Variants in ANTXR1 observed in about 807,000 individuals in gnomAD.
ANTXR1 encodes the protein ANTXR cell adhesion molecule 1.
ANTXR1 carries 19 observed loss-of-function variants against 78.1 expected under a neutral mutation model. The ratio of observed to expected loss-of-function variants is 0.24; its 90% confidence interval spans 0.17 to 0.36. ANTXR1 has a LOEUF of 0.36. ANTXR1 is among the 10% of genes least tolerant of loss of function. The probability of loss-of-function intolerance (pLI) is 1.00; values close to 1 mark genes in which losing one functional copy is unlikely to be tolerated. For synonymous variants in ANTXR1, 273 were observed against 260.5 expected, an observed-to-expected ratio of 1.05 and a Z score of -0.46; for missense variants, 518 against 718.6, an observed-to-expected ratio of 0.72 and a Z score of 3.19.
chr2:69,224,206 C>T (rs1409511593), intron 17 of ANTXR1, among the ~76,000 whole-genome samples: 1 of 152,178 alleles, frequency 6.6e-6, no homozygotes, highest in Admixed American at 6.5e-5. Context: ...TGGGAATTTT[C>T]CTTTTGATAC....
chr2:69,110,292 G>A (rs1231634611), intron 10 of ANTXR1, among the ~76,000 whole-genome samples: 2 of 152,142 alleles, frequency 1.3e-5, no homozygotes, highest in African/African-American at 4.8e-5. Context: ...TCAAAAGAAG[G>A]TGACTGGGAA....
chr2:69,092,778 T>G (rs1191117697), intron 9 of ANTXR1, among the ~76,000 whole-genome samples: 1 of 152,246 alleles, frequency 6.6e-6, no homozygotes, highest in African/African-American at 2.4e-5. Context: ...TTAGGCTTCA[T>G]GAATTTACCT....
intron 8 of ANTXR1, among the ~76,000 whole-genome samples, chr2:69,085,758 G>A (rs1290925464): frequency 2.6e-5 from 4 of 152,162 alleles, no homozygotes; most frequent in African/African-American, 9.7e-5. Flanking sequence ...CTAAAGGATG[G>A]CAGTTTACAT....
chr2:69,160,823 C>G (rs1425606963), intron 13 of ANTXR1, among the ~76,000 whole-genome samples: 1 of 152,212 alleles, frequency 6.6e-6, no homozygotes, highest in African/African-American at 2.4e-5. Context: ...TACCTGTACT[C>G]TCCCAAACAC....
Position 69,013,428 on chromosome 2 carries a change from C to T in ANTXR1, c.-72C>T. On this transcript the variant is annotated 5_prime_UTR_variant, in exon 1 of 18. Transcript: ENST00000303714. The surrounding 1 kb of genome is among the most constrained non-coding windows in gnomAD (Gnocchi z 5.0). ...CGCGAGGAAGGGCCCGCGGATGGCGCGTCCCTGAGGGTCGTGGCGAGTTCG... is the reference window on the plus strand; with the variant it reads ...CGCGAGGAAGGGCCCGCGGATGGCGTGTCCCTGAGGGTCGTGGCGAGTTCG... 2.6e-6 allele frequency: 4 copies of T among 1,560,304 alleles called. No homozygotes were observed. The highest frequency in any genetic ancestry group is 2.6e-6 in the Non-Finnish European group (3 of 1,151,826).
intron 17 of ANTXR1, among the ~76,000 whole-genome samples, chr2:69,201,037 A>G (rs534710708): frequency 3.0e-4 from 45 of 152,284 alleles, no homozygotes; most frequent in African/African-American, 1.1e-3. Context: ...ATGTCTTCTA[A>G]GAGCCAATGA....
intron 17 of ANTXR1, among the ~76,000 whole-genome samples, chr2:69,236,897 GGTGT>G (rs1046813660): frequency 3.3e-5 from 5 of 152,020 alleles, no homozygotes; most frequent in Non-Finnish European, 7.4e-5. Context: ...TCCACCACTG[GGTGT>G]GTGTCTGTGT....
At chr2:69,067,947 G>A (rs1311168170) in intron 3 of ANTXR1, among the ~76,000 whole-genome samples, 1 of 152,162 alleles carries the variant, frequency 6.6e-6, no homozygotes, top group East Asian at 1.9e-4. Flanking sequence ...GAATATTAGA[G>A]GTAATATAAG....
chr2:69,124,530 C>T (rs146246869), intron 11 of ANTXR1, 35 bp from the exon 12 acceptor site: 5 of 1,600,518 alleles, frequency 3.1e-6, no homozygotes, highest in Non-Finnish European at 3.4e-6. Flanking sequence ...ATTGCACGCC[C>T]TGCTGAGAGT....
At chr2:69,222,781 C>T (rs1675351109) in intron 17 of ANTXR1, among the ~76,000 whole-genome samples, 1 of 152,196 alleles carries the variant, frequency 6.6e-6, no homozygotes, top group Non-Finnish European at 1.5e-5. Flanking sequence ...TTCTCATTCA[C>T]AAGGAAATGT....
At chr2:69,153,388 G>C (rs745770170) in intron 13 of ANTXR1, among the ~76,000 whole-genome samples, 6 of 151,908 alleles carry the variant, frequency 3.9e-5, no homozygotes, top group African/African-American at 7.3e-5. Context: ...TGGCAAATGA[G>C]TGAGATGGGA....
At chr2:69,163,930 T>G (rs941407970) in intron 13 of ANTXR1, among the ~76,000 whole-genome samples, 3 of 152,226 alleles carry the variant, frequency 2.0e-5, no homozygotes, top group African/African-American at 7.2e-5. Context: ...GTACATTACC[T>G]TCTCCTTTAC....
At chr2:69,062,056 G>T (rs1670260452) in intron 3 of ANTXR1, among the ~76,000 whole-genome samples, 1 of 152,170 alleles carries the variant, frequency 6.6e-6, no homozygotes, top group Non-Finnish European at 1.5e-5. Context: ...AAGCAGAGAA[G>T]GTTCTGCAGA....
At chr2:69,053,669 T>C (rs1669993267) in intron 3 of ANTXR1, among the ~76,000 whole-genome samples, 1 of 152,198 alleles carries the variant, frequency 6.6e-6, no homozygotes, top group African/African-American at 2.4e-5. Flanking sequence ...ACTGGAAATT[T>C]CACCTTTCTT....
rs114963155 is a variant in ANTXR1, at chr2:69,060,726, C to T, written c.297-9921C>T. On this transcript the variant is annotated intron_variant, in intron 3 of 17. Coordinates refer to ENST00000303714, the MANE Select transcript of ANTXR1 (RefSeq NM_032208.3). ...GGTGACCATTGGATTGGTAACATAG[C>T]GGGCCTTGCTAGAAGCAGTTTCAGC... Among the ~76,000 whole-genome samples, 649 of 152,152 alleles carry T rather than the reference C, an allele frequency of 4.3e-3. 3 individuals carry two copies. Among genetic ancestry groups the T allele is most frequent in the African/African-American group, 0.015 (614 of 41,528 alleles).
Position 69,044,592 on chromosome 2 carries a change from C to A in ANTXR1, c.225-150C>A, listed in dbSNP as rs562406810. 8.1e-4 allele frequency: 625 copies of A among 767,608 alleles called. 8 individuals are homozygous for A. The South Asian group carries it at 8.8e-3, about 11-fold the overall frequency. 47.5% of individuals were successfully genotyped at this position (767,608 alleles called of 1,614,324 possible). On this transcript the variant is annotated intron_variant, in intron 2 of 17. Coordinates refer to ENST00000303714, the MANE Select transcript of ANTXR1 (RefSeq NM_032208.3). The stretch of plus-strand genomic sequence containing the variant: ...CAAGTCCACTGCTGGCTAATCAACA[C>A]CCGCAGCACCAGCCTAGGAGGCCCC...
intron 13 of ANTXR1, among the ~76,000 whole-genome samples, chr2:69,169,330 A>G (rs1673913899): frequency 6.6e-6 from 1 of 152,260 alleles, no homozygotes; most frequent in Non-Finnish European, 1.5e-5. Context: ...AATTCTGATA[A>G]TAAGTTTGGG....
At chr2:69,213,689 G>A (rs144706636) in intron 17 of ANTXR1, among the ~76,000 whole-genome samples, 5 of 152,338 alleles carry the variant, frequency 3.3e-5, no homozygotes, top group African/African-American at 1.2e-4. Context: ...CCAGACTCCT[G>A]TCTCTAACAC....
chr2:69,213,657 G>A (rs889118600), intron 17 of ANTXR1, among the ~76,000 whole-genome samples: 6 of 152,218 alleles, frequency 3.9e-5, no homozygotes, highest in Non-Finnish European at 7.3e-5. Flanking sequence ...TCATCCTGTG[G>A]AAGCACAGCT....
Sources: gnomAD v4.1 joint callset for allele counts (sites outside exome capture counted in the v4.1 genomes callset) on GRCh38, gnomAD v4.1.1 for gene constraint, Gnocchi (gnomAD v3.1) non-coding constraint, MANE v1.5 for transcripts, NCBI Gene and HGNC (gene_info 2026-07-23, HGNC 2026-07-21) for gene names.